Variants in SH3PXD2B observed in about 807,000 individuals in gnomAD.
SH3PXD2B encodes SH3 and PX domain-containing protein 2B.
Under a neutral mutation model 73.1 loss-of-function variants are expected in SH3PXD2B, and 37 were observed. That is an observed-to-expected ratio of 0.51 (90% CI 0.39 to 0.67). The LOEUF is 0.67. Ranked by LOEUF, SH3PXD2B falls within the 30% of genes least tolerant of loss-of-function variation. The pLI is 0.00. For synonymous variants in SH3PXD2B, 457 were observed against 480.5 expected, an observed-to-expected ratio of 0.95 and a Z score of 0.64; for missense variants, 1,053 against 1,197.8, an observed-to-expected ratio of 0.88 and a Z score of 1.78.
chr5:172,332,934 ATGTT>A (rs1370076280), downstream of SH3PXD2B, among the ~76,000 whole-genome samples: 846 of 139,100 alleles, frequency 6.1e-3, 28 homozygotes, highest in African/African-American at 0.017. Flanking sequence ...CCACCGCACA[ATGTT>A]TTTTTTTTTT....
intron 1 of SH3PXD2B, among the ~76,000 whole-genome samples, chr5:172,425,001 T>C (rs538135762): frequency 2.0e-5 from 3 of 152,256 alleles, no homozygotes; most frequent in East Asian, 3.9e-4. Context: ...GCGCTCCCCG[T>C]TCCTAGGTAA....
chr5:172,403,060 G>A (rs774111805), intron 3 of SH3PXD2B, among the ~76,000 whole-genome samples: 25 of 152,242 alleles, frequency 1.6e-4, no homozygotes, highest in African/African-American at 1.2e-4. Flanking sequence ...CAGCGGCCCC[G>A]GCCTGTGCCT....
intron 5 of SH3PXD2B, among the ~76,000 whole-genome samples, chr5:172,376,434 C>T (rs1757823400): frequency 6.6e-6 from 1 of 152,190 alleles, no homozygotes; most frequent in Admixed American, 6.5e-5. Context: ...ATGCCAGGAT[C>T]TTCTCATATG....
chr5:172,347,469 C>A, intron 10 of SH3PXD2B, 137 bp from the exon 11 acceptor site: 2 of 851,552 alleles, frequency 2.3e-6, no homozygotes, highest in South Asian at 1.5e-5. Flanking sequence ...CCTGTGAGAA[C>A]AGCCTGGGCA....
In SH3PXD2B at chr5:172,334,429, GAC is replaced by G; in HGVS notation, c.*3938_*3939del. 1.0e-6 allele frequency: 1 copy of G among 988,326 alleles called. No individual in the cohort carries two copies. Among genetic ancestry groups the G allele is most frequent in the Non-Finnish European group, 1.2e-6 (1 of 832,228 alleles). The allele number at this position is 988,326 out of a possible 1,614,324, so 61.2% of individuals were successfully genotyped here. A position where few individuals can be genotyped will look rare whatever the true frequency, so the allele number is the denominator to read the frequency against. On this transcript the variant is annotated 3_prime_UTR_variant, in exon 13 of 13. Transcript: ENST00000311601. ...TCTACCTCTCATCAGCCCACAGTCT[GAC>G]ACGAGGTCATCTTTGGTCTGTGGTG...
Position 172,336,141 on chromosome 5 carries a change from G to A in SH3PXD2B, c.*2228C>T. 1 of 986,908 alleles carries A rather than the reference G, an allele frequency of 1.0e-6. No individual in the cohort carries two copies. The highest frequency in any genetic ancestry group is 1.2e-6 in the Non-Finnish European group (1 of 831,004). The allele number at this position is 986,908 out of a possible 1,614,324, so 61.1% of individuals were successfully genotyped here. ...CCCAGTCTACTCAGCACCTAGCACA[G>A]AGTAGACACTCACAAAGTATCTGAA... On this transcript the variant is annotated 3_prime_UTR_variant, in exon 13 of 13. Coordinates refer to ENST00000311601, the MANE Select transcript of SH3PXD2B (RefSeq NM_001017995.3).
Position 172,325,347 on chromosome 5 carries a change from C to A in SH3PXD2B, c.1222G>T (p.Glu408Ter), listed in dbSNP as rs546640806. 4 of 1,535,428 alleles carry A rather than the reference C, an allele frequency of 2.6e-6. No individual in the cohort carries two copies. The highest frequency in any genetic ancestry group is 3.5e-6 in the Non-Finnish European group (4 of 1,146,848). The change falls in exon 13 of 13, where the codon GAA becomes TAA. Residue 408 changes from glutamate (E) to a stop codon, truncating the protein, a stop_gained. Coordinates refer to the SH3PXD2B transcript ENST00000519643. LOFTEE classifies it low-confidence loss of function (END_TRUNC). Reference sequence around the variant, plus strand: ...ATCTTGATTCTTCTAAGAGGGACTTCCACAGGGCTCTCCAAGTGAACATTC... The same window carrying A: ...ATCTTGATTCTTCTAAGAGGGACTTACACAGGGCTCTCCAAGTGAACATTC...
chr5:172,368,486 T>TATATATATTATATATATATATAAA lies in SH3PXD2B; in HGVS notation c.427+5303_427+5304insTTTATATATATATATAATATATAT, dbSNP rs1561907918. ...ATATATATTATATATATATATAAAA[T>TATATATATTATATATATATATAAA]ATATATATATTATATATATATATAT... On this transcript the variant is annotated intron_variant, in intron 6 of 12. Coordinates refer to ENST00000311601, the MANE Select transcript of SH3PXD2B (RefSeq NM_001017995.3). 2.4e-3 allele frequency among the ~76,000 whole-genome samples: 28 copies of TATATATATTATATATATATATAAA among 11,790 alleles called. 6 individuals are homozygous for TATATATATTATATATATATATAAA. The highest frequency in any genetic ancestry group is 2.7e-3 in the Non-Finnish European group (21 of 7,882). 7.7% of individuals were successfully genotyped at this position (11,790 alleles called of 152,430 possible).
intron 1 of SH3PXD2B, among the ~76,000 whole-genome samples, chr5:172,448,515 T>C (rs1005087224): frequency 1.3e-5 from 2 of 152,186 alleles, no homozygotes; most frequent in Non-Finnish European, 2.9e-5. Context: ...ACTATGACTA[T>C]TCCCATTTTA....
intron 8 of SH3PXD2B, 84 bp from the exon 9 acceptor site, chr5:172,354,089 C>T (rs941800825): frequency 2.1e-5 from 28 of 1,321,526 alleles, no homozygotes; most frequent in East Asian, 4.6e-5. Context: ...CCTTGCCCGT[C>T]GGAGGGAGGA....
chr5:172,335,616 A>G lies in SH3PXD2B; in HGVS notation c.*2753T>C. The G allele has an allele frequency of 8.1e-7, 1 of 1,231,828 alleles. No homozygotes were observed. The highest frequency in any genetic ancestry group is 1.0e-6 in the Non-Finnish European group (1 of 988,052). 76.3% of individuals were successfully genotyped at this position (1,231,828 alleles called of 1,614,324 possible). On this transcript the variant is annotated 3_prime_UTR_variant, in exon 13 of 13. Coordinates refer to ENST00000311601, the MANE Select transcript of SH3PXD2B (RefSeq NM_001017995.3). ...ACTGGTCACCAGCCCGGTGCTTGGC[A>G]CCATTGTCACGATGGGCCTGGACAC...
chr5:172,361,525 C>T (rs933689448), intron 7 of SH3PXD2B, among the ~76,000 whole-genome samples: 4 of 152,206 alleles, frequency 2.6e-5, no homozygotes, highest in Admixed American at 2.0e-4. Flanking sequence ...AGCTTCCTGA[C>T]TTCCTGCAAG....
Position 172,337,760 on chromosome 5 carries a change from C to T in SH3PXD2B, c.*609G>A. On this transcript the variant is annotated 3_prime_UTR_variant, in exon 13 of 13. Transcript: ENST00000311601. ...GCTGAGCGGATCTCCAGGCCCACTC[C>T]TGGGGGAGCCGCATCCAGTGGAACC... The T allele has an allele frequency of 1.0e-6, 1 of 996,284 alleles. No individual in the cohort carries two copies. Among genetic ancestry groups the T allele is most frequent in the Non-Finnish European group, 1.2e-6 (1 of 836,228 alleles). The allele number at this position is 996,284 out of a possible 1,614,324, so 61.7% of individuals were successfully genotyped here.
chr5:172,337,034 T>G lies in SH3PXD2B; in HGVS notation c.*1335A>C, dbSNP rs1756715380. Reference sequence around the variant, plus strand: ...TGCTCAGAGCCCTCCAGGCTGGCCCTCGAGGCCACCTCAGCTCCCGTTGCT... The same window carrying G: ...TGCTCAGAGCCCTCCAGGCTGGCCCGCGAGGCCACCTCAGCTCCCGTTGCT... On this transcript the variant is annotated 3_prime_UTR_variant, in exon 13 of 13. Transcript: ENST00000311601. 14 of 985,546 alleles carry G rather than the reference T, an allele frequency of 1.4e-5. No homozygotes were observed. The highest frequency in any genetic ancestry group is 1.7e-5 in the African/African-American group (1 of 57,360). 61.1% of individuals were successfully genotyped at this position (985,546 alleles called of 1,614,324 possible).
chr5:172,401,611 AG>A (rs375871484), intron 3 of SH3PXD2B, among the ~76,000 whole-genome samples: 12 of 152,344 alleles, frequency 7.9e-5, no homozygotes, highest in African/African-American at 2.9e-4. Flanking sequence ...GAGATGTTGT[AG>A]GAAGTCAGGG....
chr5:172,373,835 G>A lies in SH3PXD2B; in HGVS notation c.402-20C>T. 1 of 1,613,826 alleles carries A rather than the reference G, an allele frequency of 6.2e-7. No homozygotes were observed. The highest frequency in any genetic ancestry group is 8.5e-7 in the Non-Finnish European group (1 of 1,179,758). ...TGCTCCCTGTACAGGAAAGAAAGGG[G>A]GTGGGAAGAGTAACGAGTCAGTACT... On this transcript the variant is annotated intron_variant, in intron 5 of 12. Transcript: ENST00000311601.
At chr5:172,439,182 G>A (rs1268925247) in intron 1 of SH3PXD2B, among the ~76,000 whole-genome samples, 9 of 149,400 alleles carry the variant, frequency 6.0e-5, no homozygotes, top group Non-Finnish European at 7.4e-5. Flanking sequence ...GGAGGCTGCA[G>A]TGAGGCAAGA....
downstream of SH3PXD2B, chr5:172,333,443 G>A (rs747186781): frequency 9.8e-7 from 1 of 1,022,350 alleles, no homozygotes; most frequent in Non-Finnish European, 1.2e-6. Flanking sequence ...GAAGATCCCA[G>A]GCCACAAAGC....
chr5:172,432,341 T>C (rs1269744779), intron 1 of SH3PXD2B, among the ~76,000 whole-genome samples: 1 of 152,184 alleles, frequency 6.6e-6, no homozygotes, highest in Admixed American at 6.5e-5. Flanking sequence ...ACAGCATTTG[T>C]GGGCCATACT....
Sources: allele counts gnomAD v4.1 joint callset (sites outside exome capture counted in the v4.1 genomes callset), GRCh38; gene constraint gnomAD v4.1.1; transcripts MANE v1.5; gene names NCBI Gene and HGNC (gene_info 2026-07-23, HGNC 2026-07-21).